KY: variants seen among roughly 807,000 people sequenced by gnomAD.
KY encodes the protein kyphoscoliosis peptidase.
KY carries 43 observed loss-of-function variants against 76.1 expected under a neutral mutation model. The observed-to-expected ratio is 0.57, with a 90% confidence interval of 0.44 to 0.73. The LOEUF (loss-of-function observed/expected upper bound fraction) is 0.73. Among genes scored for constraint, KY ranks in the 30% least tolerant of loss-of-function variants. The probability of loss-of-function intolerance (pLI) is 0.00; values close to 1 mark genes in which losing one functional copy is unlikely to be tolerated. For synonymous variants in KY, 277 were observed against 326.2 expected (o/e 0.85, Z 1.63); for missense variants, 722 against 828.9 (o/e 0.87, Z 1.58).
chr3:134,611,295 A>G (rs892423699), intron 8 of KY, among the ~76,000 whole-genome samples: 6 of 152,190 alleles, frequency 3.9e-5, no homozygotes, highest in Non-Finnish European at 8.8e-5. Flanking sequence ...GGGAAGATAT[A>G]AAATGAGACA....
At position 134,626,619 on chromosome 3, in the gene KY, T is replaced by A. The variant is rs142558296; in HGVS notation, c.400+1137A>T. Reference sequence around the variant, plus strand: ...GTGAGAGTCCCTTAATCTGGTGCTATTAGACCTGAGAGATGTGGGGAGAAG... The same window carrying A: ...GTGAGAGTCCCTTAATCTGGTGCTAATAGACCTGAGAGATGTGGGGAGAAG... On this transcript the variant is annotated intron_variant, in intron 5 of 10. Transcript: ENST00000423778. Among the ~76,000 whole-genome samples the A allele has an allele frequency of 3.9e-5, 6 of 152,274 alleles. No homozygotes were observed. In the East Asian group the frequency reaches 1.2e-3, roughly 29 times the overall value.
intron 3 of KY, among the ~76,000 whole-genome samples, chr3:134,636,078 G>A (rs1371415143): frequency 6.6e-6 from 1 of 152,092 alleles, no homozygotes; most frequent in Non-Finnish European, 1.5e-5. Flanking sequence ...ATGATGTGAT[G>A]AACACTCAGA....
intron 6 of KY, among the ~76,000 whole-genome samples, chr3:134,622,166 A>G (rs1476634458): frequency 6.6e-6 from 1 of 152,222 alleles, no homozygotes; most frequent in Non-Finnish European, 1.5e-5. Context: ...TTTCTCAGAA[A>G]GTTAAATGTA....
At chr3:134,641,614 C>A (rs1965776777) in intron 3 of KY, among the ~76,000 whole-genome samples, 1 of 152,178 alleles carries the variant, frequency 6.6e-6, no homozygotes, top group African/African-American at 2.4e-5. Flanking sequence ...TTTTGGACTT[C>A]TGGGCTCCAG....
At chr3:134,608,088 C>T (rs1959559201) in intron 10 of KY, 1 of 1,123,144 alleles carries the variant, frequency 8.9e-7, no homozygotes, top group Non-Finnish European at 1.1e-6. Flanking sequence ...CCCCACCTGT[C>T]CTGGGAGACC....
In KY at chr3:134,604,243, C is replaced by A. The variant is rs1959096892; in HGVS notation, c.1322G>T (p.Gly441Val). 6.2e-7 allele frequency: 1 copy of A among 1,613,676 alleles called. No individual in the cohort carries two copies. The highest frequency in any genetic ancestry group is 1.7e-5 in the Admixed American group (1 of 59,992). Residue 441 changes from glycine to valine, a missense_variant, in exon 11 of 11, where the codon GGT becomes GTT. This residue lies in a region of KY where 552 missense variants were observed against 680.9 expected (regional missense o/e 0.81). Coordinates refer to ENST00000423778, the MANE Select transcript of KY (RefSeq NM_178554.6). ...YTLKCNYVDM[G>V]VQLPAELHQP... ...GTGAAGCTCAGCAGGCAGCTGGACA[C>A]CCATGTCCACATAATTGCACTTGAG...
chr3:134,605,159 C>T (rs1167361253), intron 10 of KY, among the ~76,000 whole-genome samples: 2 of 152,138 alleles, frequency 1.3e-5, no homozygotes, highest in South Asian at 2.1e-4. Context: ...GTTTCATCTT[C>T]GTCTGTCCTG....
In KY at chr3:134,601,442, G is replaced by A. The variant is rs527925447; in HGVS notation, c.*2137C>T. On this transcript the variant is annotated 3_prime_UTR_variant, in exon 11 of 11. Transcript: ENST00000423778. ...CAGGACTAAGCGAGGCAGCCAGCGC[G>A]GGGTCCAGTGAGTGACATGCGTCAT... Among the ~76,000 whole-genome samples, 16 of 152,344 alleles carry A rather than the reference G, an allele frequency of 1.1e-4. No homozygotes were observed. The highest frequency in any genetic ancestry group is 1.0e-3 in the Admixed American group (16 of 15,310).
intron 3 of KY, among the ~76,000 whole-genome samples, chr3:134,639,083 T>TTC (rs1167076976): frequency 6.6e-6 from 1 of 151,440 alleles, no homozygotes; most frequent in African/African-American, 2.4e-5. Flanking sequence ...TTTTTTTTTT[T>TTC]TTCCTGCAGT....
At chr3:134,632,720 A>G (rs1964397760) in intron 3 of KY, among the ~76,000 whole-genome samples, 1 of 151,938 alleles carries the variant, frequency 6.6e-6, no homozygotes, top group Non-Finnish European at 1.5e-5. Flanking sequence ...GACTAAATCC[A>G]AGGCAAGCAG....
intron 6 of KY, 71 bp from the exon 7 acceptor site, chr3:134,620,928 C>T (rs1478606233): frequency 1.0e-5 from 9 of 894,356 alleles, no homozygotes; most frequent in Non-Finnish European, 1.6e-5. Flanking sequence ...CATCTTGCAC[C>T]TACAGCCAGT....
chr3:134,614,753 G>A (rs1477121414), intron 8 of KY, among the ~76,000 whole-genome samples: 1 of 152,086 alleles, frequency 6.6e-6, no homozygotes. Context: ...GATGGTCCAG[G>A]CCCTGCCATA....
At chr3:134,610,427 C>T in intron 8 of KY, 44 bp from the exon 9 acceptor site, 1 of 1,557,072 alleles carries the variant, frequency 6.4e-7, no homozygotes, top group South Asian at 1.2e-5. Flanking sequence ...CCCGCTGTGG[C>T]TTGCCTCCAA....
chr3:134,613,386 C>T (rs1030225675), intron 8 of KY, among the ~76,000 whole-genome samples: 1 of 152,144 alleles, frequency 6.6e-6, no homozygotes, highest in Non-Finnish European at 1.5e-5. Flanking sequence ...GGAGCAGCAG[C>T]GAGAGCCTGC....
At chr3:134,641,506 C>T (rs949424407) in intron 3 of KY, among the ~76,000 whole-genome samples, 2 of 152,098 alleles carry the variant, frequency 1.3e-5, no homozygotes, top group Non-Finnish European at 1.5e-5. Flanking sequence ...GGGCCTGCAG[C>T]CTCTAGCAGC....
At chr3:134,614,517 A>T (rs114892275) in intron 8 of KY, among the ~76,000 whole-genome samples, 128 of 152,140 alleles carry the variant, frequency 8.4e-4, no homozygotes, top group Non-Finnish European at 1.4e-3. Flanking sequence ...GAGAAGCCCC[A>T]AGGGCTGCAA....
chr3:134,610,499 T>C (rs771564838), intron 8 of KY, 116 bp from the exon 9 acceptor site: 22 of 854,528 alleles, frequency 2.6e-5, no homozygotes, highest in Non-Finnish European at 3.8e-5. Context: ...CTGTCTATCC[T>C]TTTCCTTGCT....
At chr3:134,648,937 T>TTA (rs1362462618) in intron 1 of KY, among the ~76,000 whole-genome samples, 2 of 152,258 alleles carry the variant, frequency 1.3e-5, no homozygotes, top group Non-Finnish European at 2.9e-5. Flanking sequence ...AGAGTTTGTT[T>TTA]TATATCTTGC....
chr3:134,649,083 G>T (rs1966775322), intron 1 of KY, among the ~76,000 whole-genome samples: 1 of 152,178 alleles, frequency 6.6e-6, no homozygotes, highest in Admixed American at 6.5e-5. Flanking sequence ...GGCATCAAAA[G>T]CCATGCACTT....
Sources: gnomAD v4.1 joint callset for allele counts (sites outside exome capture counted in the v4.1 genomes callset) on GRCh38, gnomAD v4.1.1 for gene constraint, gnomAD v4.1.1 regional missense constraint, MANE v1.5 for transcripts, NCBI Gene and HGNC (gene_info 2026-07-23, HGNC 2026-07-21) for gene names.